Variants in TRPS1 observed in about 807,000 individuals in gnomAD.
TRPS1 encodes the protein transcriptional repressor GATA binding 1, also known as zinc finger transcription factor Trps1.
Under a neutral mutation model 101.2 loss-of-function variants are expected in TRPS1, and 6 were observed. The observed-to-expected ratio is 0.06, with a 90% CI of 0.03 to 0.12. TRPS1 has a LOEUF of 0.12. TRPS1 is among the 10% of genes least tolerant of loss of function. TRPS1 has a pLI of 1.00. For synonymous variants in TRPS1, 578 were observed against 589.8 expected, an observed-to-expected ratio of 0.98 and a Z score of 0.29; for missense variants, 1,363 against 1,567.0, an observed-to-expected ratio of 0.87 and a Z score of 2.20.
intron 5 of TRPS1, among the ~76,000 whole-genome samples, chr8:115,582,507 A>C (rs1817474245): frequency 6.6e-6 from 1 of 152,178 alleles, no homozygotes; most frequent in Non-Finnish European, 1.5e-5. Flanking sequence ...TAATCAGACT[A>C]TTTCCACTTA....
At chr8:115,505,666 C>T (rs1030781225) in intron 5 of TRPS1, among the ~76,000 whole-genome samples, 6 of 152,144 alleles carry the variant, frequency 3.9e-5, no homozygotes, top group African/African-American at 1.4e-4. Context: ...CCTATCTACC[C>T]ACTAGAAGAA....
At chr8:115,436,398 T>C (rs1225730058) in intron 5 of TRPS1, among the ~76,000 whole-genome samples, 3 of 152,166 alleles carry the variant, frequency 2.0e-5, no homozygotes, top group African/African-American at 7.2e-5. Flanking sequence ...AAATACTAAG[T>C]GCACTTTCTT....
chr8:115,579,164 G>T (rs1441646098), intron 5 of TRPS1, among the ~76,000 whole-genome samples: 1 of 152,090 alleles, frequency 6.6e-6, no homozygotes, highest in Non-Finnish European at 1.5e-5. Flanking sequence ...TTAATGGAAA[G>T]GTAGTAAGCT....
intron 5 of TRPS1, among the ~76,000 whole-genome samples, chr8:115,453,654 TAG>T (rs150803109): frequency 0.046 from 7,053 of 152,230 alleles, 533 homozygotes; most frequent in African/African-American, 0.16. Flanking sequence ...CAATAACTAC[TAG>T]AGAAACTCAT....
chr8:115,430,334 C>T (rs1813288016), intron 5 of TRPS1, among the ~76,000 whole-genome samples: 1 of 152,104 alleles, frequency 6.6e-6, no homozygotes, highest in South Asian at 2.1e-4. Flanking sequence ...GAAGGACCTA[C>T]TTTTTCCTTT....
At chr8:115,562,306 A>G (rs1816964340) in intron 5 of TRPS1, among the ~76,000 whole-genome samples, 2 of 152,094 alleles carry the variant, frequency 1.3e-5, no homozygotes, top group Non-Finnish European at 2.9e-5. Flanking sequence ...GATTGTTCCA[A>G]TGGATAAAGA....
At chr8:115,563,662 T>C (rs1237475675) in intron 5 of TRPS1, among the ~76,000 whole-genome samples, 2 of 152,176 alleles carry the variant, frequency 1.3e-5, no homozygotes, top group African/African-American at 2.4e-5. Context: ...AAATCTTCCA[T>C]GGGAGCCAAC....
At chr8:115,480,772 C>T (rs577756630) in intron 5 of TRPS1, among the ~76,000 whole-genome samples, 9 of 152,114 alleles carry the variant, frequency 5.9e-5, no homozygotes, top group East Asian at 3.9e-4. Flanking sequence ...AATGATAATA[C>T]TTGAATTGAT....
At chr8:115,592,276 C>T (rs1039104855) in intron 4 of TRPS1, among the ~76,000 whole-genome samples, 1 of 152,168 alleles carries the variant, frequency 6.6e-6, no homozygotes, top group South Asian at 2.1e-4. Context: ...ATGACACCAA[C>T]GCAGGGACCA....
At chr8:115,498,361 A>C (rs1294169641) in intron 5 of TRPS1, among the ~76,000 whole-genome samples, 1 of 100,610 alleles carries the variant, frequency 9.9e-6, no homozygotes, top group Non-Finnish European at 2.0e-5. Flanking sequence ...CTGGGCAACA[A>C]AGAGAGAGCC....
chr8:115,659,931 G>A (rs1161072618), intron 1 of TRPS1, among the ~76,000 whole-genome samples: 1 of 151,944 alleles, frequency 6.6e-6, no homozygotes, highest in African/African-American at 2.4e-5. Flanking sequence ...TCCATGTAGT[G>A]CCTGTAATGT....
At chr8:115,429,765 T>C (rs1431292487) in intron 5 of TRPS1, among the ~76,000 whole-genome samples, 1 of 152,192 alleles carries the variant, frequency 6.6e-6, no homozygotes. Context: ...TCCCCTGCCT[T>C]ATGTTTATAT....
chr8:115,570,442 T>A (rs985820936), intron 5 of TRPS1, among the ~76,000 whole-genome samples: 15 of 152,038 alleles, frequency 9.9e-5, no homozygotes, highest in Non-Finnish European at 1.3e-4. Context: ...TTCTATTCCA[T>A]TAAAGATATA....
chr8:115,434,720 T>G (rs550347677), intron 5 of TRPS1, among the ~76,000 whole-genome samples: 2 of 152,316 alleles, frequency 1.3e-5, no homozygotes, highest in South Asian at 4.1e-4. Context: ...TCTAAGTTGA[T>G]TTAGATTTTC....
Position 115,604,973 on chromosome 8 carries a change from A to G in TRPS1, c.996T>C (p.Ile332=). The change falls in exon 4 of 7, where the codon ATT becomes ATC. Residue 332 remains isoleucine, a synonymous_variant. Coordinates refer to ENST00000395715, the MANE Select transcript of TRPS1 (RefSeq NM_014112.5). This position sits in a 1 kb window ranked among gnomAD's most constrained non-coding sequence, Gnocchi z 4.1. ...CTTGGCAATCTGGTGTTTTCCGTCC[A>G]ATGCCAATGAATGTTCCACCTGAAG... ...QVTSGGTFIG[I]GRKTPDCQGN... The G allele has an allele frequency of 1.2e-6, 2 of 1,613,818 alleles. No individual in the cohort carries two copies. Among genetic ancestry groups the G allele is most frequent in the African/African-American group, 1.3e-5 (1 of 75,034 alleles).
intron 5 of TRPS1, among the ~76,000 whole-genome samples, chr8:115,535,225 T>TATATATATAGCATATATAGC (rs1563582802): frequency 1.7e-4 from 12 of 69,720 alleles, no homozygotes; most frequent in South Asian, 4.0e-4. Flanking sequence ...ATATATAGCA[T>TATATATATAGCATATATAGC]ATATATATAG....
At position 115,663,287 on chromosome 8, in the gene TRPS1, C is replaced by T. The variant is rs375134311; in HGVS notation, c.-122+5258G>A. Among the ~76,000 whole-genome samples the T allele has an allele frequency of 8.3e-4, 126 of 151,282 alleles. 4 individuals carry two copies. The South Asian group carries it at 0.026, about 31-fold the overall frequency. ...TTAAATGGCATTTTGGCCACTAAAA[C>T]CAATCCAGAACATTATTAAAAGTTA... On this transcript the variant is annotated intron_variant, in intron 1 of 6. Coordinates refer to ENST00000395715, the MANE Select transcript of TRPS1 (RefSeq NM_014112.5).
intron 5 of TRPS1, among the ~76,000 whole-genome samples, chr8:115,572,666 T>A (rs1034651052): frequency 6.6e-6 from 1 of 152,200 alleles, no homozygotes; most frequent in Non-Finnish European, 1.5e-5. Context: ...AAATGAATGT[T>A]AGTTAATTTG....
intron 1 of TRPS1, among the ~76,000 whole-genome samples, chr8:115,653,244 T>C (rs1811604119): frequency 6.6e-6 from 1 of 152,174 alleles, no homozygotes. Flanking sequence ...TAAGCACTGA[T>C]AGGGTTTCCT....
Sources: gnomAD v4.1 joint callset for allele counts (sites outside exome capture counted in the v4.1 genomes callset) on GRCh38, gnomAD v4.1.1 for gene constraint, Gnocchi (gnomAD v3.1) non-coding constraint, MANE v1.5 for transcripts, NCBI Gene and HGNC (gene_info 2026-07-23, HGNC 2026-07-21) for gene names.